MCM5: variants seen among roughly 807,000 people sequenced by gnomAD.
MCM5 encodes DNA replication licensing factor MCM5.
In MCM5, 46 loss-of-function variants were observed where a neutral mutation model predicts 79.9. That is an observed-to-expected ratio of 0.58 (90% CI 0.45 to 0.74). The LOEUF (loss-of-function observed/expected upper bound fraction) is 0.74. MCM5 is among the 30% of genes least tolerant of loss of function. The probability of loss-of-function intolerance (pLI) is 0.00; values close to 1 mark genes in which losing one functional copy is unlikely to be tolerated. For synonymous variants in MCM5, 404 were observed against 390.5 expected (o/e 1.03, Z -0.41); for missense variants, 883 against 1,017.0 (o/e 0.87, Z 1.79).
At chr22:35,414,043 C>T in intron 9 of MCM5, 57 bp downstream of exon 9, 2 of 1,217,522 alleles carry the variant, frequency 1.6e-6, no homozygotes, top group Non-Finnish European at 2.4e-6. Context: ...GGCTGCAGGG[C>T]AGGGCCTCTG....
At chr22:35,432,596 G>A in the MCM5 span, among the ~76,000 whole-genome samples, 2 of 152,230 alleles carry the variant, frequency 1.3e-5, no homozygotes, top group Non-Finnish European at 1.5e-5. Context: ...CTTAACACCA[G>A]CCCATGTAGT....
the MCM5 span, among the ~76,000 whole-genome samples, chr22:35,437,710 A>G: frequency 2.0e-5 from 3 of 152,190 alleles, no homozygotes; most frequent in Admixed American, 6.5e-5. Context: ...GGGTGTCACA[A>G]CTGAGGCCCT....
the MCM5 span, among the ~76,000 whole-genome samples, chr22:35,446,552 C>T: frequency 2.6e-5 from 4 of 152,138 alleles, no homozygotes; most frequent in Admixed American, 6.5e-5. Context: ...CTCACAGTCT[C>T]GTGGGCGAGG....
chr22:35,416,218 C>T (rs1458179620), intron 10 of MCM5, 121 bp from the exon 11 acceptor site: 14 of 1,045,522 alleles, frequency 1.3e-5, no homozygotes, highest in Non-Finnish European at 1.9e-5. Context: ...CTGGTTGCTG[C>T]CATTGGCCTT....
the MCM5 span, among the ~76,000 whole-genome samples, chr22:35,441,055 CAAAAAAAAAAAA>C: frequency 2.1e-5 from 2 of 96,158 alleles, no homozygotes; most frequent in Non-Finnish European, 4.2e-5. Context: ...GAAACTCTGT[CAAAAAAAAAAAA>C]AAAAAAAAGT....
chr22:35,435,190 GGA>G, the MCM5 span, among the ~76,000 whole-genome samples: 2 of 152,158 alleles, frequency 1.3e-5, no homozygotes, highest in African/African-American at 4.8e-5. Context: ...TGGGAGGCAG[GGA>G]GAGAGATGGG....
the MCM5 span, among the ~76,000 whole-genome samples, chr22:35,449,880 G>A: frequency 6.6e-6 from 1 of 152,194 alleles, no homozygotes; most frequent in East Asian, 1.9e-4. Flanking sequence ...CTCTTGGGCT[G>A]AAGTGGACCT....
intron 10 of MCM5, 26 bp from the exon 11 acceptor site, chr22:35,416,313 A>G: frequency 6.2e-7 from 1 of 1,610,002 alleles, no homozygotes; most frequent in Non-Finnish European, 8.5e-7. Flanking sequence ...AGTAGGTCTG[A>G]TGATATTTCT....
intron 13 of MCM5, 131 bp from the exon 14 acceptor site, chr22:35,419,753 C>T: frequency 1.1e-6 from 1 of 871,044 alleles, no homozygotes; most frequent in Non-Finnish European, 1.7e-6. Flanking sequence ...TGTCCCCCAG[C>T]CCATATGAGT....
chr22:35,400,681 T>C (rs1410101499), intron 2 of MCM5, 76 bp downstream of exon 2: 25 of 1,460,544 alleles, frequency 1.7e-5, no homozygotes, highest in Non-Finnish European at 2.3e-5. Context: ...GCTAGAGTCC[T>C]GGACAGTCAG....
chr22:35,406,378 C>T (rs990646560), intron 4 of MCM5, among the ~76,000 whole-genome samples, 175 bp from the exon 5 acceptor site: 1 of 145,180 alleles, frequency 6.9e-6, no homozygotes, highest in African/African-American at 2.5e-5. Flanking sequence ...GTCCAGATAG[C>T]CTGGCACTGG....
chr22:35,414,024 A>G (rs1426623351), intron 9 of MCM5, 38 bp downstream of exon 9: 2 of 1,431,790 alleles, frequency 1.4e-6, no homozygotes, highest in African/African-American at 2.8e-5. Flanking sequence ...CTTGGCTTGC[A>G]GGGAGGAAGG....
chr22:35,446,783 C>T, the MCM5 span, among the ~76,000 whole-genome samples: 3 of 152,052 alleles, frequency 2.0e-5, no homozygotes, highest in Non-Finnish European at 2.9e-5. Flanking sequence ...TCTCTCATCT[C>T]GGTTCCCTGA....
chr22:35,403,843 C>T (rs1489320298), intron 4 of MCM5, among the ~76,000 whole-genome samples: 2 of 151,924 alleles, frequency 1.3e-5, no homozygotes, highest in Non-Finnish European at 2.9e-5. Context: ...AATTCATGCA[C>T]AGTGGCTCAT....
the MCM5 span, among the ~76,000 whole-genome samples, chr22:35,445,212 A>G: frequency 6.6e-6 from 1 of 151,950 alleles, no homozygotes; most frequent in African/African-American, 2.4e-5. Flanking sequence ...TCACAGGTGG[A>G]CACACCTGAG....
At chr22:35,431,167 C>G in the MCM5 span, among the ~76,000 whole-genome samples, 4 of 152,238 alleles carry the variant, frequency 2.6e-5, no homozygotes, top group African/African-American at 9.6e-5. Flanking sequence ...TCCTCTGGTT[C>G]TGGGCATTCA....
the MCM5 span, among the ~76,000 whole-genome samples, chr22:35,444,729 A>C: frequency 2.0e-5 from 3 of 152,254 alleles, no homozygotes; most frequent in Non-Finnish European, 4.4e-5. Context: ...AAAATGAGGC[A>C]GAGGCCAGGC....
At chr22:35,437,169 C>G in the MCM5 span, among the ~76,000 whole-genome samples, 1 of 152,198 alleles carries the variant, frequency 6.6e-6, no homozygotes, top group African/African-American at 2.4e-5. Flanking sequence ...GGGAATTGAC[C>G]AGGGCTTAGG....
At chr22:35,402,038 T>G (rs748727837) in intron 2 of MCM5, among the ~76,000 whole-genome samples, 2 of 152,200 alleles carry the variant, frequency 1.3e-5, no homozygotes, top group Non-Finnish European at 2.9e-5. Flanking sequence ...ACTGCGAGGC[T>G]GGGGAACAGC....
Sources: allele counts gnomAD v4.1 joint callset (sites outside exome capture counted in the v4.1 genomes callset), GRCh38; gene constraint gnomAD v4.1.1; transcripts MANE v1.5; gene names NCBI Gene and HGNC (gene_info 2026-07-23, HGNC 2026-07-21).